BFAR: variants seen among roughly 807,000 people sequenced by gnomAD.
The protein encoded by BFAR is RING finger protein 47.
In BFAR, 52 loss-of-function variants were observed where a neutral mutation model predicts 54.4. The ratio of observed to expected loss-of-function variants is 0.96; its 90% CI spans 0.77 to 1.21. The LOEUF is 1.21. Ranked by LOEUF, BFAR falls within the 50% of genes most tolerant of loss-of-function variation. The pLI, the probability that BFAR is intolerant of heterozygous loss-of-function variation, is 0.00. For synonymous variants in BFAR, 215 were observed against 204.3 expected (o/e 1.05, Z -0.45); for missense variants, 571 against 534.0 (o/e 1.07, Z -0.68).
chr16:14,664,124 T>G (rs1960369536), intron 6 of BFAR, among the ~76,000 whole-genome samples: 1 of 151,972 alleles, frequency 6.6e-6, no homozygotes, highest in African/African-American at 2.4e-5. Flanking sequence ...ACACCTTTAA[T>G]CCCAGAAGCA....
intron 2 of BFAR, among the ~76,000 whole-genome samples, chr16:14,646,802 T>G (rs1391309967): frequency 1.3e-5 from 2 of 152,042 alleles, no homozygotes; most frequent in Non-Finnish European, 2.9e-5. Flanking sequence ...CCAGCCTCTT[T>G]TTAAAATATT....
At chr16:14,657,915 G>A (rs1471367395) in intron 5 of BFAR, among the ~76,000 whole-genome samples, 1 of 152,064 alleles carries the variant, frequency 6.6e-6, no homozygotes, top group Non-Finnish European at 1.5e-5. Context: ...TTGAAATGGA[G>A]TCTCACCATG....
intron 7 of BFAR, among the ~76,000 whole-genome samples, chr16:14,666,540 C>G (rs752961965): frequency 6.6e-5 from 10 of 152,036 alleles, no homozygotes; most frequent in Non-Finnish European, 1.0e-4. Context: ...CCATTGCACT[C>G]CACCCTGGGC....
chr16:14,668,165 G>A lies in BFAR; in HGVS notation c.*338G>A, dbSNP rs1391670773. On this transcript the variant is annotated 3_prime_UTR_variant, in exon 8 of 8. Transcript: ENST00000261658. ...ACATGGTGTGGGTGACATCAGAAGG[G>A]TGCCACATCAGTCCCCTCCCCAACC... 3 of 292,210 alleles carry A rather than the reference G, an allele frequency of 1.0e-5. No homozygotes were observed. Among genetic ancestry groups the A allele is most frequent in the Non-Finnish European group, 1.3e-5 (2 of 156,268 alleles). The allele number at this position is 292,210 out of a possible 1,614,324, so 18.1% of individuals were successfully genotyped here.
intron 5 of BFAR, among the ~76,000 whole-genome samples, chr16:14,656,202 A>C (rs1455134021): frequency 4.1e-5 from 6 of 148,144 alleles, no homozygotes; most frequent in African/African-American, 1.2e-4. Flanking sequence ...ACTCCGTCCC[A>C]AAAAAAAAAG....
intron 7 of BFAR, among the ~76,000 whole-genome samples, chr16:14,665,669 G>GT (rs1386864016): frequency 1.3e-5 from 2 of 152,130 alleles, no homozygotes; most frequent in Non-Finnish European, 2.9e-5. Flanking sequence ...CATCAAGGCT[G>GT]TTTCACCAAA....
rs1469463990 is a variant in BFAR at position 14,665,026 on chromosome 16, T to A, written c.1115T>A (p.Leu372Gln). 6.2e-7 allele frequency: 1 copy of A among 1,614,066 alleles called. No homozygotes were observed. Among genetic ancestry groups the A allele is most frequent in the East Asian group, 2.2e-5 (1 of 44,902 alleles). ...ATCAATGCTATGTTACTCTCAGTTC[T>A]GGAATTATTCTCCTTTTGGAGAATC... is the stretch of plus-strand genomic sequence containing the variant. The part of the protein sequence containing the change: ...LIINAMLLSV[L>Q]ELFSFWRIWS... Residue 372 changes from leucine to glutamine, a missense_variant, in exon 7 of 8, where the codon CTG becomes CAG. By Grantham distance (113) the Leu-to-Gln change is moderately radical (BLOSUM62 -2). Transcript: ENST00000261658.
At chr16:14,658,048 T>A (rs2151842584) in intron 5 of BFAR, among the ~76,000 whole-genome samples, 2 of 152,252 alleles carry the variant, frequency 1.3e-5, no homozygotes, top group African/African-American at 4.8e-5. Context: ...GGGTTTGTCA[T>A]CTTGCACCAG....
chr16:14,657,207 ATGTT>A (rs1453880253), intron 5 of BFAR, among the ~76,000 whole-genome samples: 2 of 151,924 alleles, frequency 1.3e-5, no homozygotes, highest in Non-Finnish European at 2.9e-5. Flanking sequence ...CTGAAATAGA[ATGTT>A]TGTTATTTTT....
Position 14,655,072 on chromosome 16 carries a change from T to G in BFAR, c.645T>G (p.Leu215=), listed in dbSNP as rs1300923240. ...TCCTCCTGCCCCTCTACAGGTTGCT[T>G]TTAACTTTGACAGAGGAAGAATTTT... ...FLSERVNGRL[L]LTLTEEEFSK... The change falls in exon 5 of 8, where the codon CTT becomes CTG. Residue 215 remains leucine, a synonymous_variant. Transcript: ENST00000261658. 2 of 1,605,482 alleles carry G rather than the reference T, an allele frequency of 1.2e-6. No individual in the cohort carries two copies. The highest frequency in any genetic ancestry group is 3.5e-5 in the Admixed American group (2 of 57,178).
intron 6 of BFAR, among the ~76,000 whole-genome samples, chr16:14,662,957 G>T (rs1379115197): frequency 6.6e-6 from 1 of 152,140 alleles, no homozygotes; most frequent in Non-Finnish European, 1.5e-5. Context: ...GGAGCAAGCA[G>T]TGGGATACGT....
At chr16:14,658,799 C>A (rs1042729594) in intron 5 of BFAR, among the ~76,000 whole-genome samples, 1 of 152,002 alleles carries the variant, frequency 6.6e-6, no homozygotes, top group Non-Finnish European at 1.5e-5. Context: ...GTAACTTCTT[C>A]TTCACTCCTG....
intron 4 of BFAR, among the ~76,000 whole-genome samples, chr16:14,652,739 T>C (rs1451478889): frequency 6.6e-6 from 1 of 152,152 alleles, no homozygotes; most frequent in African/African-American, 2.4e-5. Context: ...TAATTTAAAC[T>C]GAAAATATGA....
chr16:14,649,692 C>T (rs1178828811), intron 3 of BFAR, 112 bp from the exon 4 acceptor site: 13 of 953,406 alleles, frequency 1.4e-5, no homozygotes, highest in Admixed American at 1.2e-4. Context: ...GTACGGGCTC[C>T]GCATCATTCC....
intron 6 of BFAR, among the ~76,000 whole-genome samples, chr16:14,663,103 G>A (rs1960337429): frequency 1.3e-5 from 2 of 152,192 alleles, no homozygotes; most frequent in African/African-American, 4.8e-5. Context: ...TAACTACCAG[G>A]CCCAGAGCGC....
At chr16:14,664,782 G>C (rs1960391218) in intron 6 of BFAR, 87 bp from the exon 7 acceptor site, 2 of 1,306,568 alleles carry the variant, frequency 1.5e-6, no homozygotes, top group Admixed American at 1.7e-5. Context: ...TTACAGGTGT[G>C]AGCCACCGTG....
intron 1 of BFAR, among the ~76,000 whole-genome samples, chr16:14,643,482 T>C (rs1295352723): frequency 6.6e-6 from 1 of 152,194 alleles, no homozygotes; most frequent in Non-Finnish European, 1.5e-5. Context: ...GTATAACAAA[T>C]AGGCCAGAAA....
chr16:14,664,171 G>A (rs1283374035), intron 6 of BFAR, among the ~76,000 whole-genome samples: 2 of 152,124 alleles, frequency 1.3e-5, no homozygotes, highest in African/African-American at 2.4e-5. Context: ...ACAAGATGGT[G>A]GATCCCCAGA....
At chr16:14,645,158 T>C (rs1052495077) in intron 2 of BFAR, among the ~76,000 whole-genome samples, 3 of 151,868 alleles carry the variant, frequency 2.0e-5, no homozygotes, top group African/African-American at 7.3e-5. Flanking sequence ...TATAGAAAGT[T>C]TTAAAAATTA....
Sources: gnomAD v4.1 joint callset for allele counts (sites outside exome capture counted in the v4.1 genomes callset) on GRCh38, gnomAD v4.1.1 for gene constraint, MANE v1.5 for transcripts, NCBI Gene and HGNC (gene_info 2026-07-23, HGNC 2026-07-21) for gene names.